LZTS1: variants seen among roughly 807,000 people sequenced by gnomAD.
The protein encoded by LZTS1 is leucine zipper putative tumor suppressor 1.
LZTS1 carries 31 observed loss-of-function variants against 45.8 expected under a neutral mutation model. The observed-to-expected ratio is 0.68, with a 90% CI of 0.51 to 0.91. The LOEUF (loss-of-function observed/expected upper bound fraction) is 0.91. LZTS1 is among the 40% of genes least tolerant of loss of function. The pLI is 0.00. For synonymous variants in LZTS1, 359 were observed against 357.3 expected, an observed-to-expected ratio of 1.00 and a Z score of -0.05; for missense variants, 821 against 788.9, an observed-to-expected ratio of 1.04 and a Z score of -0.49.
intron 1 of LZTS1, among the ~76,000 whole-genome samples, chr8:20,290,628 A>G (rs1309361905): frequency 6.6e-6 from 1 of 152,158 alleles, no homozygotes; most frequent in Non-Finnish European, 1.5e-5. Flanking sequence ...TAGACTCTTT[A>G]ACTTGACTTC....
chr8:20,261,615 T>C (rs1245720468), intron 1 of LZTS1, among the ~76,000 whole-genome samples: 2 of 152,216 alleles, frequency 1.3e-5, no homozygotes, highest in African/African-American at 2.4e-5. Context: ...CTGCCTCTGA[T>C]GGTCCCTTTC....
intron 1 of LZTS1, among the ~76,000 whole-genome samples, chr8:20,258,522 G>C (rs1286076069): frequency 6.6e-6 from 1 of 152,146 alleles, no homozygotes; most frequent in Non-Finnish European, 1.5e-5. Context: ...TATTTTGTTA[G>C]GAAAAGCATG....
At chr8:20,254,592 C>A (rs1210620546) in intron 2 of LZTS1, among the ~76,000 whole-genome samples, 1 of 152,228 alleles carries the variant, frequency 6.6e-6, no homozygotes. Flanking sequence ...ATCCCCTGTG[C>A]TCTTTGCTTA....
intron 1 of LZTS1, among the ~76,000 whole-genome samples, chr8:20,275,605 A>G (rs1026407792): frequency 4.0e-5 from 6 of 151,882 alleles, no homozygotes; most frequent in Non-Finnish European, 7.4e-5. Flanking sequence ...GAGAGGAGAA[A>G]GAGAAGGAAA....
At chr8:20,252,723 G>T (rs995766310) in intron 3 of LZTS1, 59 bp downstream of exon 3, 176 of 1,419,952 alleles carry the variant, frequency 1.2e-4, no homozygotes, top group Non-Finnish European at 1.6e-4. Context: ...CAGAAGGAGA[G>T]GGGGGTACTG....
In LZTS1 at chr8:20,248,515, G is replaced by T. The variant is rs1157389696; in HGVS notation, c.*1207C>A. The T allele has an allele frequency of 6.6e-6, 1 of 152,538 alleles. No individual in the cohort carries two copies. The highest frequency in any genetic ancestry group is 2.1e-4 in the South Asian group (1 of 4,830). 9.4% of individuals were successfully genotyped at this position (152,538 alleles called of 1,614,324 possible). ...AAATGGGGGTCTTGAGGTGGAGGGA[G>T]GATGGCTGGTGGCCAGGCTATTCAC... is the stretch of plus-strand genomic sequence containing the variant. On this transcript the variant is annotated 3_prime_UTR_variant, in exon 4 of 4. Coordinates refer to ENST00000381569, the MANE Select transcript of LZTS1 (RefSeq NM_021020.5).
At chr8:20,303,374 C>T (rs1045422888) in intron 1 of LZTS1, among the ~76,000 whole-genome samples, 1 of 152,284 alleles carries the variant, frequency 6.6e-6, no homozygotes, top group South Asian at 2.1e-4. Context: ...CCTCGCGTCC[C>T]CACCTCCCAC....
At chr8:20,269,826 C>T (rs1364835761) in intron 1 of LZTS1, among the ~76,000 whole-genome samples, 1 of 152,192 alleles carries the variant, frequency 6.6e-6, no homozygotes, top group African/African-American at 2.4e-5. Context: ...CCTTCACTGT[C>T]CCCAGGTCCA....
chr8:20,262,216 C>A (rs1800248095), intron 1 of LZTS1, among the ~76,000 whole-genome samples: 1 of 152,244 alleles, frequency 6.6e-6, no homozygotes, highest in Non-Finnish European at 1.5e-5. Context: ...TGCCAAGTAG[C>A]CTGTTGGCAG....
intron 1 of LZTS1, among the ~76,000 whole-genome samples, chr8:20,265,129 CG>C (rs1367778502): frequency 6.6e-6 from 1 of 152,106 alleles, no homozygotes; most frequent in Non-Finnish European, 1.5e-5. Context: ...GGTAGGTTGC[CG>C]GGCAGGGATC....
intron 1 of LZTS1, among the ~76,000 whole-genome samples, chr8:20,270,750 C>T (rs970218742): frequency 1.6e-4 from 24 of 151,974 alleles, no homozygotes; most frequent in Non-Finnish European, 2.9e-4. Context: ...CCTTACCCCT[C>T]ACCCCTACTT....
intron 1 of LZTS1, among the ~76,000 whole-genome samples, chr8:20,288,201 C>T (rs1301373580): frequency 2.0e-5 from 3 of 152,216 alleles, no homozygotes; most frequent in African/African-American, 7.2e-5. Context: ...CCCTCCCTCC[C>T]CCACACAGCT....
At chr8:20,296,418 C>T (rs1240704572) in intron 1 of LZTS1, among the ~76,000 whole-genome samples, 1 of 152,224 alleles carries the variant, frequency 6.6e-6, no homozygotes, top group Non-Finnish European at 1.5e-5. Context: ...CATCCTCTTC[C>T]TCCAGAGGAT....
chr8:20,262,432 A>G (rs970026620), intron 1 of LZTS1, among the ~76,000 whole-genome samples: 21 of 152,036 alleles, frequency 1.4e-4, no homozygotes, highest in African/African-American at 4.3e-4. Flanking sequence ...GTGTGTGTTC[A>G]TGTGTGCACG....
intron 1 of LZTS1, chr8:20,289,697 C>CA (rs1460097884): frequency 6.6e-6 from 1 of 152,224 alleles, no homozygotes; most frequent in Admixed American, 6.5e-5. Flanking sequence ...GACCCTATCG[C>CA]AGCACCATGA....
chr8:20,276,509 C>T (rs984058657), intron 1 of LZTS1, among the ~76,000 whole-genome samples: 6 of 152,160 alleles, frequency 3.9e-5, no homozygotes, highest in East Asian at 1.9e-4. Context: ...TGGAGGGTGG[C>T]GTGCCCAGAG....
In LZTS1 at chr8:20,250,190, G is replaced by T. The variant is rs755773404; in HGVS notation, c.1323C>A (p.Arg441=). 3.1e-6 allele frequency: 5 copies of T among 1,610,064 alleles called. No homozygotes were observed. In the African/African-American group the frequency reaches 6.7e-5, roughly 22 times the overall value. ...AGACCTCCAGCTCCAGGCCCTTGGT[G>T]CGCAGGGCGCCCTCCAGGTCCTGGG... ...LRTQDLEGAL[R]TKGLELEVCE... is the part of the protein sequence containing the mutation. The change falls in exon 4 of 4, where the codon CGC becomes CGA. Residue 441 remains arginine, a synonymous_variant. Coordinates refer to ENST00000381569, the MANE Select transcript of LZTS1 (RefSeq NM_021020.5).
In LZTS1 at chr8:20,249,185, C is replaced by G. The variant is rs1799814786; in HGVS notation, c.*537G>C. 1 of 154,376 alleles carries G rather than the reference C, an allele frequency of 6.5e-6. No individual in the cohort carries two copies. The allele number at this position is 154,376 out of a possible 1,614,324, so 9.6% of individuals were successfully genotyped here. Reference sequence around the variant, plus strand: ...GTGGCTTGCCGGGGCTGGGACAGCCCTGAGGTTTCAAAGCCAGCTTCCCCG... The same window carrying G: ...GTGGCTTGCCGGGGCTGGGACAGCCGTGAGGTTTCAAAGCCAGCTTCCCCG... On this transcript the variant is annotated 3_prime_UTR_variant, in exon 4 of 4. Coordinates refer to ENST00000381569, the MANE Select transcript of LZTS1 (RefSeq NM_021020.5).
intron 1 of LZTS1, among the ~76,000 whole-genome samples, chr8:20,276,808 T>C (rs114617461): frequency 0.012 from 1,794 of 152,338 alleles, 47 homozygotes; most frequent in African/African-American, 0.041. Context: ...GATTGTTTTC[T>C]TGTTGGTTGG....
Sources: gnomAD v4.1 joint callset for allele counts (sites outside exome capture counted in the v4.1 genomes callset) on GRCh38, gnomAD v4.1.1 for gene constraint, MANE v1.5 for transcripts, NCBI Gene and HGNC (gene_info 2026-07-23, HGNC 2026-07-21) for gene names.